The following CACNB1 variants were observed in gnomAD, a reference collection of about 807,000 sequenced individuals.
The protein encoded by CACNB1 is calcium voltage-gated channel auxiliary subunit beta 1, also known as voltage-dependent L-type calcium channel subunit beta-1.
CACNB1 carries 29 observed loss-of-function variants against 71.6 expected under a neutral mutation model. The ratio of observed to expected loss-of-function variants is 0.40; its 90% CI spans 0.30 to 0.55. CACNB1 has a LOEUF of 0.55. Among genes scored for constraint, CACNB1 ranks in the 20% least tolerant of loss-of-function variants. The pLI, the probability that CACNB1 is intolerant of heterozygous loss-of-function variation, is 0.38. For synonymous variants in CACNB1, 300 were observed against 319.6 expected, an observed-to-expected ratio of 0.94 and a Z score of 0.65; for missense variants, 623 against 801.8, an observed-to-expected ratio of 0.78 and a Z score of 2.69.
At position 39,186,521 on chromosome 17, in the gene CACNB1, G is replaced by A; in HGVS notation, c.603C>T (p.Thr201=). ...CACTGGCAGGGGGTGTGGGGCGGCG[G>A]GTGCCAGTCACCACATCTCCCAGAC... The part of the protein sequence containing the change: ...SSSLGDVVTG[T]RRPTPPASAK... Residue 201 remains threonine (T), a synonymous_variant, in exon 6 of 14, where the codon ACC becomes ACT. Coordinates refer to ENST00000394303, the MANE Select transcript of CACNB1 (RefSeq NM_000723.5). This position sits in a 1 kb window ranked among gnomAD's most constrained non-coding sequence, Gnocchi z 4.1. 1 of 1,613,390 alleles carries A rather than the reference G, an allele frequency of 6.2e-7. No homozygotes were observed. The highest frequency in any genetic ancestry group is 8.5e-7 in the Non-Finnish European group (1 of 1,179,694).
Position 39,186,753 on chromosome 17 carries a change from G to T in CACNB1, c.551+40C>A. 1.2e-6 allele frequency: 2 copies of T among 1,611,514 alleles called. No individual in the cohort carries two copies. Among genetic ancestry groups the T allele is most frequent in the Non-Finnish European group, 1.7e-6 (2 of 1,178,582 alleles). ...TAGTCCAGGCTGTATGGCCTCTCCT[G>T]GGGTTGGCAGCATCCCCTTCCCCTG... is the stretch of plus-strand genomic sequence containing the variant. On this transcript the variant is annotated intron_variant, in intron 5 of 13. Transcript: ENST00000394303. The surrounding 1 kb of genome is among the most constrained non-coding windows in gnomAD (Gnocchi z 4.1).
intron 2 of CACNB1, chr17:39,193,505 C>T: frequency 2.2e-6 from 1 of 450,864 alleles, no homozygotes; most frequent in Non-Finnish European, 4.4e-6. Flanking sequence ...CCTGGCCCTG[C>T]TGGCCTAGGG....
intron 11 of CACNB1, chr17:39,182,875 A>T: frequency 2.6e-6 from 2 of 777,808 alleles, no homozygotes; most frequent in Non-Finnish European, 3.1e-6. Context: ...TTCCAAGTTC[A>T]ATAAAAAACA....
chr17:39,186,327 G>A lies in CACNB1; in HGVS notation c.628+169C>T. The A allele has an allele frequency of 6.3e-6, 4 of 637,488 alleles. No homozygotes were observed. In the South Asian group the frequency reaches 7.7e-5, roughly 12 times the overall value. 39.5% of individuals were successfully genotyped at this position (637,488 alleles called of 1,614,324 possible). ...AAAAGGGAGAGGAGAGACATGACAGGCCCAGCTTGAGGGGTAGCCTACTCT... is the reference window on the plus strand; with the variant it reads ...AAAAGGGAGAGGAGAGACATGACAGACCCAGCTTGAGGGGTAGCCTACTCT... On this transcript the variant is annotated intron_variant, in intron 6 of 13. Transcript: ENST00000394303. This position sits in a 1 kb window ranked among gnomAD's most constrained non-coding sequence, Gnocchi z 4.1.
At chr17:39,178,261 T>C in intron 11 of CACNB1, 182 bp from the exon 12 acceptor site, 1 of 570,260 alleles carries the variant, frequency 1.8e-6, no homozygotes, top group Non-Finnish European at 3.2e-6. Flanking sequence ...GTCTACCCTA[T>C]GCAAAGCTCA....
intron 2 of CACNB1, chr17:39,193,255 C>T (rs563795006): frequency 6.6e-6 from 2 of 302,244 alleles, no homozygotes; most frequent in Admixed American, 9.7e-5. Flanking sequence ...CACACAGACA[C>T]ACATGTAGGC....
chr17:39,177,835 G>T, intron 12 of CACNB1, 149 bp downstream of exon 12: 1 of 681,354 alleles, frequency 1.5e-6, no homozygotes, highest in East Asian at 2.6e-5. Flanking sequence ...TTTGACTGAC[G>T]GGACCTGCGC....
Position 39,174,769 on chromosome 17 carries a change from A to C in CACNB1, c.*424T>G. On this transcript the variant is annotated 3_prime_UTR_variant, in exon 14 of 14. Transcript: ENST00000394303. ...GGGAAGAGAGCCCCCATGGGAAAGAATCTGTGGCCTCCCTTTCCAGGAAAA... is the reference window on the plus strand; with the variant it reads ...GGGAAGAGAGCCCCCATGGGAAAGACTCTGTGGCCTCCCTTTCCAGGAAAA... 6.2e-6 allele frequency: 1 copy of C among 162,512 alleles called. No individual in the cohort carries two copies. 10.1% of individuals were successfully genotyped at this position (162,512 alleles called of 1,614,324 possible). A position where few individuals can be genotyped will look rare whatever the true frequency, so the allele number is the denominator to read the frequency against.
intron 11 of CACNB1, chr17:39,182,802 G>T (rs2045811413): frequency 5.3e-6 from 1 of 187,804 alleles, no homozygotes; most frequent in South Asian, 1.8e-4. Context: ...ACACGAGAGG[G>T]ATTACAACCC....
chr17:39,185,022 C>T, intron 7 of CACNB1, 109 bp downstream of exon 7: 1 of 1,117,600 alleles, frequency 8.9e-7, no homozygotes, highest in Non-Finnish European at 1.4e-6. Flanking sequence ...CCAGGGAGAA[C>T]CAGGAAGGGT....
chr17:39,177,459 T>C lies in CACNB1; in HGVS notation c.1223A>G (p.Tyr408Cys). ...CEHLAEYLEA[Y>C]WKATHPPSST... ...GCTGGGCGGGTGTGTGGCCTTCCAA[T>C]AGGCTTCCAAGTACTCCGCCAGATG... Residue 408 changes from tyrosine (Y) to cysteine (C), a missense_variant, in exon 13 of 14, where the codon TAT (tyrosine) becomes TGT (cysteine). Tyr to Cys is a radical substitution (Grantham distance 194, BLOSUM62 -2). Transcript: ENST00000394303. 1 of 1,613,256 alleles carries C rather than the reference T, an allele frequency of 6.2e-7. No homozygotes were observed. The highest frequency in any genetic ancestry group is 8.5e-7 in the Non-Finnish European group (1 of 1,179,374).
chr17:39,187,233 G>T (rs778821135), intron 4 of CACNB1: 64 of 605,210 alleles, frequency 1.1e-4, no homozygotes, highest in Non-Finnish European at 1.5e-4. Flanking sequence ...ATACCTACAT[G>T]TCCCTGGCAC....
Position 39,197,583 on chromosome 17 carries a change from G to T in CACNB1, c.-88C>A. ...AGGCCGTGGGAGCCGAAAGCAGCGC[G>T]GCGCAGCCAGCACCCGGTCCAGCCA... On this transcript the variant is annotated 5_prime_UTR_variant, in exon 1 of 14. Coordinates refer to ENST00000394303, the MANE Select transcript of CACNB1 (RefSeq NM_000723.5). The T allele has an allele frequency of 9.8e-7, 1 of 1,016,348 alleles. No individual in the cohort carries two copies. Among genetic ancestry groups the T allele is most frequent in the Non-Finnish European group, 1.4e-6 (1 of 714,866 alleles). The allele number at this position is 1,016,348 out of a possible 1,614,324, so 63.0% of individuals were successfully genotyped here. A position where few individuals can be genotyped will look rare whatever the true frequency, so the allele number is the denominator to read the frequency against.
rs1304210127 is a variant in CACNB1 at position 39,175,871 on chromosome 17, C to T, written c.1333-214G>A. Among the ~76,000 whole-genome samples, 2 of 152,114 alleles carry T rather than the reference C, an allele frequency of 1.3e-5. No individual in the cohort carries two copies. Among genetic ancestry groups the T allele is most frequent in the South Asian group, 2.1e-4 (1 of 4,822 alleles). On this transcript the variant is annotated intron_variant, in intron 13 of 13. Transcript: ENST00000394303. This position sits in a 1 kb window ranked among gnomAD's most constrained non-coding sequence, Gnocchi z 4.7. ...CTCCTCTCTCGGGACAGGGGGCACCCGACCTTCAACAGATGTGAGGACATA... is the reference window on the plus strand; with the variant it reads ...CTCCTCTCTCGGGACAGGGGGCACCTGACCTTCAACAGATGTGAGGACATA...
At position 39,175,357 on chromosome 17, in the gene CACNB1, G is replaced by A. The variant is rs1166122160; in HGVS notation, c.1633C>T (p.Gln545Ter). The part of the protein sequence containing the change: ...PAGGGTPPAR[Q>*]GSWEDEEEDY... ...TCTTCCTCGTCCTCCCAGGATCCCTGTCGGGCTGGGGGCGTGCCGCCCCCT... is the reference window on the plus strand; with the variant it reads ...TCTTCCTCGTCCTCCCAGGATCCCTATCGGGCTGGGGGCGTGCCGCCCCCT... Residue 545 changes from glutamine to a stop codon, truncating the protein, a stop_gained, in exon 14 of 14, where the codon CAG becomes TAG. Transcript: ENST00000394303. LOFTEE classifies it high-confidence loss of function. This position sits in a 1 kb window ranked among gnomAD's most constrained non-coding sequence, Gnocchi z 4.7. 1 of 1,614,132 alleles carries A rather than the reference G, an allele frequency of 6.2e-7. No individual in the cohort carries two copies. The highest frequency in any genetic ancestry group is 8.5e-7 in the Non-Finnish European group (1 of 1,180,030).
At chr17:39,183,946 G>A (rs994546034) in intron 10 of CACNB1, 82 bp from the exon 11 acceptor site, 13 of 1,555,788 alleles carry the variant, frequency 8.4e-6, no homozygotes, top group Admixed American at 1.7e-5. Context: ...TTCTGGAGAT[G>A]GCCCTGCCCA....
At chr17:39,185,195 G>T in intron 6 of CACNB1, 45 bp from the exon 7 acceptor site, 1 of 1,513,760 alleles carries the variant, frequency 6.6e-7, no homozygotes, top group South Asian at 1.1e-5. Flanking sequence ...AGGAGAGAGG[G>T]AAGGGGACCC....
In CACNB1 at chr17:39,184,333, A is replaced by G; in HGVS notation, c.780T>C (p.Phe260=). The G allele has an allele frequency of 6.4e-7, 1 of 1,550,982 alleles. No individual in the cohort carries two copies. The highest frequency in any genetic ancestry group is 1.2e-5 in the South Asian group (1 of 84,242). ...KALFDFLKHR[F]DGRISITRVT... is the part of the protein sequence containing the mutation. Reference sequence around the variant, plus strand: ...AGCTCCCAGGATCTTACCTGCCATCAAACCGATGCTTCAAGAAGTCAAATA... The same window carrying G: ...AGCTCCCAGGATCTTACCTGCCATCGAACCGATGCTTCAAGAAGTCAAATA... The change falls in exon 9 of 14, where the codon TTT becomes TTC. Residue 260 remains phenylalanine, a synonymous_variant. Transcript: ENST00000394303.
rs902983689 is a variant in CACNB1, at chr17:39,186,873, G to A, written c.471C>T (p.Gly157=). The change falls in exon 5 of 14, where the codon GGC becomes GGT. Residue 157 remains glycine (G), a synonymous_variant. Transcript: ENST00000394303. The surrounding 1 kb of genome is among the most constrained non-coding windows in gnomAD (Gnocchi z 4.1). The part of the protein sequence containing the change: ...GRLVKEGCEV[G]FIPSPVKLDS... ...CCAGTTTGACGGGGCTGGGAATGAA[G>A]CCAACCTCACAGCCCTCCTTCACCA... 2 of 1,614,118 alleles carry A rather than the reference G, an allele frequency of 1.2e-6. No individual in the cohort carries two copies. Among genetic ancestry groups the A allele is most frequent in the Non-Finnish European group, 8.5e-7 (1 of 1,179,966 alleles).
Sources: allele counts gnomAD v4.1 joint callset (sites outside exome capture counted in the v4.1 genomes callset), GRCh38; gene constraint gnomAD v4.1.1; non-coding constraint Gnocchi (gnomAD v3.1); transcripts MANE v1.5; gene names NCBI Gene and HGNC (gene_info 2026-07-23, HGNC 2026-07-21).